The following GIGYF2 variants were observed in gnomAD, a reference collection of about 807,000 sequenced individuals.
GIGYF2 encodes the protein GRB10 interacting GYF protein 2.
Under a neutral mutation model 208.1 loss-of-function variants are expected in GIGYF2, and 25 were observed. The observed-to-expected ratio is 0.12, with a 90% CI of 0.09 to 0.17. The LOEUF (loss-of-function observed/expected upper bound fraction) is 0.17. Among genes scored for constraint, GIGYF2 ranks in the 10% least tolerant of loss-of-function variants. The pLI, the probability that GIGYF2 is intolerant of heterozygous loss-of-function variation, is 1.00. For synonymous variants in GIGYF2, 534 were observed against 543.8 expected (o/e 0.98, Z 0.25); for missense variants, 1,302 against 1,579.4 (o/e 0.82, Z 2.98).
At chr2:232,729,514 G>T in intron 2 of GIGYF2, 1 of 1,275,990 alleles carries the variant, frequency 7.8e-7, no homozygotes, top group South Asian at 1.7e-5. Context: ...CCATGACCCA[G>T]GATGGATTTT....
At chr2:232,807,242 C>T (rs114558286) in intron 15 of GIGYF2, among the ~76,000 whole-genome samples, 8 of 152,180 alleles carry the variant, frequency 5.3e-5, no homozygotes, top group Non-Finnish European at 1.0e-4. Flanking sequence ...GAACCATGGC[C>T]GGGCACATTG....
intron 22 of GIGYF2, among the ~76,000 whole-genome samples, chr2:232,835,206 A>T (rs1574938209): frequency 6.6e-6 from 1 of 152,202 alleles, no homozygotes. Flanking sequence ...TCCATGCCTT[A>T]TATAAACACC....
Position 232,791,264 on chromosome 2 carries a change from G to A in GIGYF2, c.1100G>A (p.Ser367Asn), listed in dbSNP as rs781062548. 6.8e-6 allele frequency: 11 copies of A among 1,614,064 alleles called. No homozygotes were observed. The East Asian group carries it at 2.5e-4, about 36-fold the overall frequency. ...AGATTACTTCGTGTTCCAGAAGCTA[G>A]TGAGGAAACTCCCCAGACCTCATCA... Reference protein sequence around the residue: ...EKTDRVGVEASEETPQTSSSS... With the variant: ...EKTDRVGVEANEETPQTSSSS... Residue 367 changes from serine to asparagine, a missense_variant, in exon 12 of 29, where the codon AGT (serine) becomes AAT (asparagine). By Grantham distance (46) the Ser-to-Asn change is conservative. This residue lies in a region of GIGYF2 where 235 missense variants were observed against 218.8 expected (regional missense o/e 1.07). Coordinates refer to ENST00000373563, the MANE Select transcript of GIGYF2 (RefSeq NM_001103146.3).
chr2:232,853,949 CATATT>C (rs1220617664), intron 28 of GIGYF2, among the ~76,000 whole-genome samples: 1 of 152,166 alleles, frequency 6.6e-6, no homozygotes, highest in Non-Finnish European at 1.5e-5. Flanking sequence ...TGATAATTAA[CATATT>C]AATCAACTTT....
chr2:232,746,661 CT>C (rs752687608), intron 3 of GIGYF2, among the ~76,000 whole-genome samples: 3 of 152,106 alleles, frequency 2.0e-5, no homozygotes, highest in African/African-American at 2.4e-5. Context: ...TTAGAGGCAA[CT>C]TTTCTTATCA....
At chr2:232,756,159 G>A in intron 5 of GIGYF2, 64 bp from the exon 6 acceptor site, 1 of 877,810 alleles carries the variant, frequency 1.1e-6, no homozygotes, top group Non-Finnish European at 1.7e-6. Flanking sequence ...AGTTTTATCT[G>A]TTTCATCCAT....
At chr2:232,732,640 AT>A (rs112179324) in intron 2 of GIGYF2, among the ~76,000 whole-genome samples, 3,745 of 144,340 alleles carry the variant, frequency 0.026, 152 homozygotes, top group African/African-American at 0.083. Flanking sequence ...AATTTTTTTA[AT>A]TTTTTTTTTT....
intron 8 of GIGYF2, among the ~76,000 whole-genome samples, chr2:232,775,064 ATTT>A (rs956789044): frequency 6.9e-6 from 1 of 145,558 alleles, no homozygotes; most frequent in African/African-American, 2.5e-5. Flanking sequence ...GTTAAGCAGC[ATTT>A]TTTTTTTTTT....
At chr2:232,825,475 A>C (rs1384755889) in intron 21 of GIGYF2, among the ~76,000 whole-genome samples, 1 of 152,180 alleles carries the variant, frequency 6.6e-6, no homozygotes, top group Non-Finnish European at 1.5e-5. Flanking sequence ...TAGCAAGAGA[A>C]CTAGAATTCA....
intron 5 of GIGYF2, among the ~76,000 whole-genome samples, 169 bp downstream of exon 5, chr2:232,749,251 T>C (rs1435597039): frequency 3.9e-5 from 6 of 152,256 alleles, no homozygotes; most frequent in Non-Finnish European, 7.3e-5. Context: ...TTTGCTGTAG[T>C]ATCTGTAGCT....
chr2:232,761,976 T>C (rs1698757146), intron 8 of GIGYF2, among the ~76,000 whole-genome samples: 1 of 151,696 alleles, frequency 6.6e-6, no homozygotes, highest in Non-Finnish European at 1.5e-5. Flanking sequence ...GAATTAATCA[T>C]AATTTGTATT....
chr2:232,758,253 A>T (rs931345520), intron 6 of GIGYF2, among the ~76,000 whole-genome samples: 1 of 152,196 alleles, frequency 6.6e-6, no homozygotes, highest in African/African-American at 2.4e-5. Context: ...CAACTTTAGG[A>T]AACTTTGATG....
At chr2:232,698,498 TTC>T (rs1348037240) in intron 1 of GIGYF2, among the ~76,000 whole-genome samples, 2 of 152,178 alleles carry the variant, frequency 1.3e-5, no homozygotes, top group African/African-American at 2.4e-5. Flanking sequence ...GAAAAAAAAA[TTC>T]TGTCATTCTT....
intron 8 of GIGYF2, among the ~76,000 whole-genome samples, chr2:232,770,329 A>T (rs145498913): frequency 6.6e-6 from 1 of 152,224 alleles, no homozygotes; most frequent in African/African-American, 2.4e-5. Flanking sequence ...GCAAAATTTC[A>T]TAATCTTTGT....
chr2:232,819,657 T>C (rs958774704), intron 20 of GIGYF2, among the ~76,000 whole-genome samples, 170 bp from the exon 21 acceptor site: 2 of 152,158 alleles, frequency 1.3e-5, no homozygotes, highest in African/African-American at 4.8e-5. Flanking sequence ...TGCGTCCAAT[T>C]CCCCAATTTA....
At position 232,856,948 on chromosome 2, in the gene GIGYF2, C is replaced by G; in HGVS notation, c.*88C>G. On this transcript the variant is annotated 3_prime_UTR_variant, in exon 29 of 29. Transcript: ENST00000373563. Reference sequence around the variant, plus strand: ...ACACAACACTTACTCACCATTTACTCTTTATCACTCTGCAACAAATCACAG... The same window carrying G: ...ACACAACACTTACTCACCATTTACTGTTTATCACTCTGCAACAAATCACAG... 2 of 874,896 alleles carry G rather than the reference C, an allele frequency of 2.3e-6. No individual in the cohort carries two copies. The highest frequency in any genetic ancestry group is 4.0e-6 in the Non-Finnish European group (2 of 505,534). The allele number at this position is 874,896 out of a possible 1,614,324, so 54.2% of individuals were successfully genotyped here. A position where few individuals can be genotyped will look rare whatever the true frequency, so the allele number is the denominator to read the frequency against.
intron 2 of GIGYF2, among the ~76,000 whole-genome samples, chr2:232,706,786 T>A (rs1340520380): frequency 6.6e-6 from 1 of 151,176 alleles, no homozygotes; most frequent in East Asian, 1.9e-4. Flanking sequence ...TCTCAAAAAA[T>A]AAATAAATAA....
At position 232,791,779 on chromosome 2, in the gene GIGYF2, C is replaced by T. The variant is rs1700076723; in HGVS notation, c.1282+333C>T. On this transcript the variant is annotated intron_variant, in intron 12 of 28. Coordinates refer to ENST00000373563, the MANE Select transcript of GIGYF2 (RefSeq NM_001103146.3). ...CCGTATTAGACAGTTACCTTCCTTT[C>T]ATGTGTTGACTAATTATGTGCCCAG... Among the ~76,000 whole-genome samples, 3 of 152,146 alleles carry T rather than the reference C, an allele frequency of 2.0e-5. No individual in the cohort carries two copies. The South Asian group carries it at 6.2e-4, about 31-fold the overall frequency.
At position 232,775,581 on chromosome 2, in the gene GIGYF2, G is replaced by A. The variant is rs368399632; in HGVS notation, c.533-11569G>A. ...AAGGTTGGGAAGGTTTGCTTCTATT[G>A]CTGTGTGTGGGCTGTAAAATATTTG... On this transcript the variant is annotated intron_variant, in intron 8 of 28. Transcript: ENST00000373563. Among the ~76,000 whole-genome samples the A allele has an allele frequency of 1.2e-4, 19 of 152,264 alleles. No homozygotes were observed. The South Asian group carries it at 3.9e-3, about 32-fold the overall frequency.
Sources: allele counts gnomAD v4.1 joint callset (sites outside exome capture counted in the v4.1 genomes callset), GRCh38; gene constraint gnomAD v4.1.1; regional missense constraint gnomAD v4.1.1; transcripts MANE v1.5; gene names NCBI Gene and HGNC (gene_info 2026-07-23, HGNC 2026-07-21).